Variants in GPC6 observed in about 807,000 individuals in gnomAD.
GPC6 encodes glypican 6.
In GPC6, 14 loss-of-function variants were observed where a neutral mutation model predicts 55.2. The ratio of observed to expected loss-of-function variants is 0.25; its 90% CI spans 0.17 to 0.40. The LOEUF (loss-of-function observed/expected upper bound fraction) is 0.40, where lower values mean the gene tolerates loss of function less well. Ranked by LOEUF, GPC6 falls within the 10% of genes least tolerant of loss-of-function variation. The pLI is 1.00. For missense variants in GPC6, 641 were observed against 708.5 expected (o/e 0.90, Z 1.08); for synonymous variants, 278 against 259.6 (o/e 1.07, Z -0.68).
At chr13:94,182,798 G>C (rs1259306948) in intron 4 of GPC6, among the ~76,000 whole-genome samples, 1 of 151,860 alleles carries the variant, frequency 6.6e-6, no homozygotes, top group South Asian at 2.1e-4. Context: ...ATATTTTTGA[G>C]ACAGGGTCTC....
rs1877210402 is a variant in GPC6 at position 94,327,961 on chromosome 13, C to T, written c.1152+21838C>T. Among the ~76,000 whole-genome samples the T allele has an allele frequency of 2.6e-5, 4 of 152,162 alleles. No individual in the cohort carries two copies. The South Asian group carries it at 8.3e-4, about 32-fold the overall frequency. Reference sequence around the variant, plus strand: ...TGCCTTCTTCATCCAAGCATGCTTCCTCCCCCTTCCCCTCCGATTTTGTTG... The same window carrying T: ...TGCCTTCTTCATCCAAGCATGCTTCTTCCCCCTTCCCCTCCGATTTTGTTG... On this transcript the variant is annotated intron_variant, in intron 6 of 8. Coordinates refer to ENST00000377047, the MANE Select transcript of GPC6 (RefSeq NM_005708.5).
chr13:94,083,308 T>C (rs144338405), intron 4 of GPC6, among the ~76,000 whole-genome samples: 3,290 of 152,138 alleles, frequency 0.022, 107 homozygotes, highest in African/African-American at 0.071. Context: ...TAAATAGAGA[T>C]GGGGTTTCAC....
chr13:93,938,036 TA>T (rs1222102951), intron 3 of GPC6, among the ~76,000 whole-genome samples: 17 of 151,982 alleles, frequency 1.1e-4, no homozygotes, highest in African/African-American at 4.1e-4. Flanking sequence ...GTTTGACCCT[TA>T]ATTAGTTGAC....
rs970847529 is a variant in GPC6, at chr13:93,752,838, A to T, written c.320-77316A>T. ...CTGAGGCATGACTGAGCCTCTGGGC[A>T]CAGTAGCTGTCATCCCTACTGCCGA... On this transcript the variant is annotated intron_variant, in intron 2 of 8. Transcript: ENST00000377047. Among the ~76,000 whole-genome samples, 5 of 152,146 alleles carry T rather than the reference A, an allele frequency of 3.3e-5. No homozygotes were observed. In the South Asian group the frequency reaches 1.0e-3, roughly 32 times the overall value.
intron 3 of GPC6, among the ~76,000 whole-genome samples, chr13:93,898,350 A>G (rs555914750): frequency 6.6e-6 from 1 of 152,258 alleles, no homozygotes; most frequent in African/African-American, 2.4e-5. Context: ...AGACATAAGC[A>G]AATAATGATG....
intron 4 of GPC6, among the ~76,000 whole-genome samples, chr13:94,180,876 C>G (rs1041936922): frequency 4.9e-5 from 7 of 141,752 alleles, no homozygotes; most frequent in East Asian, 2.0e-4. Flanking sequence ...GAGAGACACA[C>G]ACAGAGAGAG....
intron 4 of GPC6, among the ~76,000 whole-genome samples, chr13:94,284,095 G>C (rs889107102): frequency 6.6e-6 from 1 of 152,216 alleles, no homozygotes; most frequent in Non-Finnish European, 1.5e-5. Context: ...GAGCTTGACT[G>C]ATGACAGGCT....
chr13:93,869,661 A>G (rs1594540735), intron 3 of GPC6, among the ~76,000 whole-genome samples: 1 of 151,834 alleles, frequency 6.6e-6, no homozygotes, highest in African/African-American at 2.4e-5. Flanking sequence ...TAATACATTC[A>G]TGGATGTCCA....
At chr13:94,039,538 C>G (rs1883458818) in intron 4 of GPC6, among the ~76,000 whole-genome samples, 1 of 151,888 alleles carries the variant, frequency 6.6e-6, no homozygotes, top group Non-Finnish European at 1.5e-5. Flanking sequence ...TGTTAGCAAA[C>G]AGGAAGCTAG....
intron 4 of GPC6, among the ~76,000 whole-genome samples, chr13:94,073,554 CAGG>C (rs1351621016): frequency 6.6e-6 from 1 of 152,072 alleles, no homozygotes; most frequent in African/African-American, 2.4e-5. Context: ...CCCTCTGCAG[CAGG>C]AGGAGATCTT....
intron 3 of GPC6, among the ~76,000 whole-genome samples, chr13:93,923,791 C>T (rs1177605750): frequency 6.6e-6 from 1 of 152,218 alleles, no homozygotes; most frequent in African/African-American, 2.4e-5. Flanking sequence ...TACACAATTA[C>T]TGTCAGTATT....
intron 2 of GPC6, among the ~76,000 whole-genome samples, chr13:93,791,376 G>A (rs1056204908): frequency 6.6e-6 from 1 of 152,138 alleles, no homozygotes; most frequent in African/African-American, 2.4e-5. Context: ...ACTATTTAAA[G>A]ATGTAATTTT....
At chr13:94,227,042 C>A (rs1207272929) in intron 4 of GPC6, among the ~76,000 whole-genome samples, 1 of 152,216 alleles carries the variant, frequency 6.6e-6, no homozygotes, top group Non-Finnish European at 1.5e-5. Flanking sequence ...TGGTGGAATT[C>A]TCTGCGTGTC....
intron 1 of GPC6, among the ~76,000 whole-genome samples, chr13:93,237,491 T>C (rs1876277900): frequency 6.6e-6 from 1 of 152,212 alleles, no homozygotes; most frequent in Admixed American, 6.5e-5. Flanking sequence ...GATGCATAGT[T>C]TGCAAATCTT....
rs1370175897 is a variant in GPC6 at position 93,538,941 on chromosome 13, T to TTTA, written c.161-6322_161-6321insTTA. On this transcript the variant is annotated intron_variant, in intron 1 of 8. Coordinates refer to ENST00000377047, the MANE Select transcript of GPC6 (RefSeq NM_005708.5). ...TATTACAATATTCTTTTTTTTTTTTTATTATACTTTAAGTTTTAGGGTACA... is the reference window on the plus strand; with the variant it reads ...TATTACAATATTCTTTTTTTTTTTTTTTAATTATACTTTAAGTTTTAGGGTACA... Among the ~76,000 whole-genome samples, 10 of 150,994 alleles carry TTTA rather than the reference T, an allele frequency of 6.6e-5. No individual in the cohort carries two copies. The East Asian group carries it at 2.0e-3, about 30-fold the overall frequency.
intron 2 of GPC6, among the ~76,000 whole-genome samples, chr13:93,605,372 A>G (rs1246496208): frequency 2.6e-5 from 4 of 152,218 alleles, no homozygotes; most frequent in Non-Finnish European, 5.9e-5. Flanking sequence ...TTAAGTACCA[A>G]CAGATGAATA....
In GPC6 at chr13:93,942,568, C is replaced by A. The variant is rs181225172; in HGVS notation, c.712-85161C>A. ...AACTCCTGGGCTCAAGCAATCCACCCACCTCGGCCTCCCAAAGGAGTGGGA... is the reference window on the plus strand; with the variant it reads ...AACTCCTGGGCTCAAGCAATCCACCAACCTCGGCCTCCCAAAGGAGTGGGA... On this transcript the variant is annotated intron_variant, in intron 3 of 8. Transcript: ENST00000377047. 3.7e-4 allele frequency among the ~76,000 whole-genome samples: 57 copies of A among 152,294 alleles called. No individual in the cohort carries two copies. The East Asian group carries it at 6.4e-3, about 17-fold the overall frequency.
chr13:93,660,841 A>G (rs891105994), intron 2 of GPC6, among the ~76,000 whole-genome samples: 3 of 152,074 alleles, frequency 2.0e-5, no homozygotes, highest in African/African-American at 7.2e-5. Context: ...GCTTCTATTT[A>G]TTTTTCCTTC....
At chr13:93,375,828 C>A (rs746359534) in intron 1 of GPC6, among the ~76,000 whole-genome samples, 1 of 151,980 alleles carries the variant, frequency 6.6e-6, no homozygotes, top group Non-Finnish European at 1.5e-5. Context: ...AATGAGGAGG[C>A]CAGAAAGGTG....
Sources: allele counts gnomAD v4.1 joint callset (sites outside exome capture counted in the v4.1 genomes callset), GRCh38; gene constraint gnomAD v4.1.1; transcripts MANE v1.5; gene names NCBI Gene and HGNC (gene_info 2026-07-23, HGNC 2026-07-21).